Variants in RECQL4 observed in about 807,000 individuals in gnomAD.
RECQL4 encodes the protein RecQ like helicase 4, also known as ATP-dependent DNA helicase Q4.
A neutral mutation model predicts 128.6 loss-of-function variants in RECQL4; 158 were observed. That is an observed-to-expected ratio of 1.23 (90% CI 1.08 to 1.40). The LOEUF (loss-of-function observed/expected upper bound fraction) is 1.40, where lower values mean the gene tolerates loss of function less well. Ranked by LOEUF, RECQL4 falls within the 40% of genes most tolerant of loss-of-function variation. RECQL4 has a pLI of 0.00. For synonymous variants in RECQL4, 996 were observed against 678.9 expected, an observed-to-expected ratio of 1.47 and a Z score of -7.26; for missense variants, 2,293 against 1,649.8, an observed-to-expected ratio of 1.39 and a Z score of -6.75.
chr8:144,512,648 G>C lies in RECQL4; in HGVS notation c.2879C>G (p.Ala960Gly), dbSNP rs373651108. 3 of 1,612,496 alleles carry C rather than the reference G, an allele frequency of 1.9e-6. No individual in the cohort carries two copies. Among genetic ancestry groups the C allele is most frequent in the Non-Finnish European group, 2.5e-6 (3 of 1,179,736 alleles). Residue 960 changes from alanine (A) to glycine (G), a missense_variant, in exon 16 of 21, where the codon GCC becomes GGC. By Grantham distance (60) the Ala-to-Gly change is moderately conservative. Transcript: ENST00000617875. The stretch of plus-strand genomic sequence containing the variant: ...CTGGGCAGGGCGTGCTTACCTGTGG[G>C]CCAGGGCCTGGAGCTGGGCAGGGCC... ...PGGPAQLQAL[A>G]HRCPPLAVCL...
chr8:144,514,565 G>C, intron 9 of RECQL4, 40 bp from the exon 10 acceptor site: 1 of 1,582,102 alleles, frequency 6.3e-7, no homozygotes, highest in East Asian at 2.3e-5. Context: ...CGCCAGCCCA[G>C]CCCTGGCCCT....
Position 144,512,385 on chromosome 8 carries a change from G to C in RECQL4, c.3055+7C>G, listed in dbSNP as rs372511135. 3.0e-5 allele frequency: 48 copies of C among 1,607,256 alleles called. No individual in the cohort carries two copies. Among genetic ancestry groups the C allele is most frequent in the African/African-American group, 4.0e-5 (3 of 74,878 alleles). ...TCCAGGGCGGTGTGGGGTGGGGAGA[G>C]GCGCACCTGTCCTGGGCTCGTGGTC... is the stretch of plus-strand genomic sequence containing the variant. On this transcript the variant is annotated splice_region_variant and intron_variant, in intron 17 of 20. Transcript: ENST00000617875.
Position 144,517,773 on chromosome 8 carries a change from C to T in RECQL4, c.12G>A (p.Leu4=). The T allele has an allele frequency of 7.9e-7, 1 of 1,264,944 alleles. No individual in the cohort carries two copies. Among genetic ancestry groups the T allele is most frequent in the Non-Finnish European group, 1.0e-6 (1 of 1,001,702 alleles). The allele number at this position is 1,264,944 out of a possible 1,614,324, so 78.4% of individuals were successfully genotyped here. The change falls in exon 1 of 21, where the codon CTG becomes CTA. Residue 4 remains leucine (L), a synonymous_variant. Transcript: ENST00000617875. ...CCTGCAGCCGCTCCCGCACGTCCCG[C>T]AGCCGCTCCATGGCGCGCGCGCCCG... is the stretch of plus-strand genomic sequence containing the variant. MER[L]RDVRERLQAW... is the part of the protein sequence containing the mutation.
At position 144,513,121 on chromosome 8, in the gene RECQL4, C is replaced by T; in HGVS notation, c.2481G>A (p.Glu827=). 1 of 1,565,556 alleles carries T rather than the reference C, an allele frequency of 6.4e-7. No individual in the cohort carries two copies. The highest frequency in any genetic ancestry group is 1.4e-5 in the African/African-American group (1 of 73,280). Residue 827 remains glutamate, a synonymous_variant, in exon 15 of 21, where the codon GAG becomes GAA. Transcript: ENST00000617875. ...TGTCGGCGTGCACATGTCTGCGCAGCTCTCGCAGGTCTTCGCCCTGCAGGG... is the reference window on the plus strand; with the variant it reads ...TGTCGGCGTGCACATGTCTGCGCAGTTCTCGCAGGTCTTCGCCCTGCAGGG... ...FLQPQGEDLR[E]LRRHVHADST...
In RECQL4 at chr8:144,512,283, G is replaced by A. The variant is rs1448101275; in HGVS notation, c.3097C>T (p.Leu1033=). Reference sequence around the variant, plus strand: ...CCCGGGCTGCGAAGGTGGAAGGCCAGCTCACTGAACTCCACAAGCACCCCT... The same window carrying A: ...CCCGGGCTGCGAAGGTGGAAGGCCAACTCACTGAACTCCACAAGCACCCCT... ...GTGVLVEFSE[L]AFHLRSPGDL... is the part of the protein sequence containing the mutation. The change falls in exon 18 of 21, where the codon CTG becomes TTG. Residue 1033 remains leucine, a synonymous_variant. Transcript: ENST00000617875. 1 of 1,612,496 alleles carries A rather than the reference G, an allele frequency of 6.2e-7. No individual in the cohort carries two copies. Among genetic ancestry groups the A allele is most frequent in the Non-Finnish European group, 8.5e-7 (1 of 1,179,792 alleles).
Position 144,513,351 on chromosome 8 carries a change from C to T in RECQL4, c.2330G>A (p.Gly777Glu), listed in dbSNP as rs768986171. Residue 777 changes from glycine to glutamate, a missense_variant, in exon 14 of 21, where the codon GGG (glycine) becomes GAG (glutamate). Gly to Glu is a moderately conservative substitution (Grantham distance 98, BLOSUM62 -2). Coordinates refer to ENST00000617875, the MANE Select transcript of RECQL4 (RefSeq NM_004260.4). ...VVVATVAFGM[G>E]LDRPDVRAVL... is the part of the protein sequence containing the mutation. ...AGCCCGCACATCTGGCCGGTCCAGC[C>T]CCATCCCAAAGGCCACCGTGGCCAC... 15 of 1,605,716 alleles carry T rather than the reference C, an allele frequency of 9.3e-6. No individual in the cohort carries two copies. The East Asian group carries it at 2.9e-4, about 31-fold the overall frequency.
At position 144,515,965 on chromosome 8, in the gene RECQL4, G is replaced by A. The variant is rs1477928370; in HGVS notation, c.1131+23C>T. ...CTGAGGGGAGGGAAAGGGAATGCCT[G>A]TCCTGGCCCGTCGCTGTCTTACCTG... On this transcript the variant is annotated intron_variant, in intron 5 of 20. Transcript: ENST00000617875. 4 of 1,610,986 alleles carry A rather than the reference G, an allele frequency of 2.5e-6. No homozygotes were observed. In the African/African-American group the frequency reaches 5.3e-5, roughly 22 times the overall value.
Position 144,512,554 on chromosome 8 carries a change from G to A in RECQL4, c.2893C>T (p.Pro965Ser), listed in dbSNP as rs1383809349. ...TGCTGGGCCAAGCACACAGCCAAAG[G>A]GGGACACCTGTGCCCAGGGAAAAAG... ...QLQALAHRCP[P>S]LAVCLAQQLP... The change falls in exon 17 of 21, where the codon CCT (proline) becomes TCT (serine). Residue 965 changes from proline to serine, a missense_variant. Pro to Ser is a moderately conservative substitution (Grantham distance 74, BLOSUM62 -1). Transcript: ENST00000617875. 6.2e-7 allele frequency: 1 copy of A among 1,612,414 alleles called. No individual in the cohort carries two copies. Among genetic ancestry groups the A allele is most frequent in the African/African-American group, 1.3e-5 (1 of 74,938 alleles).
rs779775064 is a variant in RECQL4, at chr8:144,511,401, C to T, written c.*30G>A. ...CTGCCCTAGCCTCTGACAACCCCAG[C>T]TCTACCCGACATCCCCCAATGCAGT... On this transcript the variant is annotated 3_prime_UTR_variant, in exon 21 of 21. Coordinates refer to ENST00000617875, the MANE Select transcript of RECQL4 (RefSeq NM_004260.4). 5 of 1,605,320 alleles carry T rather than the reference C, an allele frequency of 3.1e-6. No homozygotes were observed. In the South Asian group the frequency reaches 5.5e-5, roughly 18 times the overall value.
Position 144,515,308 on chromosome 8 carries a change from C to T in RECQL4, c.1390+18G>A, listed in dbSNP as rs771645427. ...CAACCCCTCAGTGAAGGCTCTGGGC[C>T]AGAAGCTGACTGCTCACCTGCCAAC... On this transcript the variant is annotated intron_variant, in intron 7 of 20. Coordinates refer to ENST00000617875, the MANE Select transcript of RECQL4 (RefSeq NM_004260.4). 9 of 1,612,070 alleles carry T rather than the reference C, an allele frequency of 5.6e-6. No individual in the cohort carries two copies. The South Asian group carries it at 7.7e-5, about 14-fold the overall frequency.
Position 144,514,450 on chromosome 8 carries a change from G to A in RECQL4, c.1696C>T (p.Leu566=), listed in dbSNP as rs371981215. Reference sequence around the variant, plus strand: ...GCCCATGAGGCCCCCACCTTCTGCAGGACAGATTCCCGTTGCTTCCTGGTC... The same window carrying A: ...GCCCATGAGGCCCCCACCTTCTGCAAGACAGATTCCCGTTGCTTCCTGGTC... ...GMTRKQRESV[L]QKIRAAQVHV... The change falls in exon 10 of 21, where the codon CTG becomes TTG. Residue 566 remains leucine (L), a synonymous_variant. Transcript: ENST00000617875. The A allele has an allele frequency of 9.2e-5, 148 of 1,611,978 alleles. 1 individual carries two copies. The highest frequency in any genetic ancestry group is 1.2e-4 in the Non-Finnish European group (141 of 1,179,476).
Position 144,512,293 on chromosome 8 carries a change from C to T in RECQL4, c.3087G>A (p.Glu1029=). 1.2e-6 allele frequency: 2 copies of T among 1,612,528 alleles called. No individual in the cohort carries two copies. Among genetic ancestry groups the T allele is most frequent in the East Asian group, 2.2e-5 (1 of 44,890 alleles). ...GVRRGTGVLV[E]FSELAFHLRS... is the part of the protein sequence containing the mutation. ...GAAGGTGGAAGGCCAGCTCACTGAA[C>T]TCCACAAGCACCCCTGTCCCACGCC... Residue 1029 remains glutamate (E), a synonymous_variant, in exon 18 of 21, where the codon GAG becomes GAA. Coordinates refer to ENST00000617875, the MANE Select transcript of RECQL4 (RefSeq NM_004260.4).
chr8:144,515,430 C>T lies in RECQL4; in HGVS notation c.1286G>A (p.Gly429Glu), dbSNP rs761033231. ...TGGTGAAGGAACCAGTGGCTCAGGC[C>T]CAACAGCATCTGTGTCTTCCTCACT... ...PASEEDTDAV[G>E]PEPLVPSPQP... Residue 429 changes from glycine (G) to glutamate (E), a missense_variant, in exon 7 of 21, where the codon GGG becomes GAG. Gly to Glu is a moderately conservative substitution (Grantham distance 98). Coordinates refer to ENST00000617875, the MANE Select transcript of RECQL4 (RefSeq NM_004260.4). 7.4e-6 allele frequency: 12 copies of T among 1,612,672 alleles called. No homozygotes were observed. In the African/African-American group the frequency reaches 1.6e-4, roughly 22 times the overall value.
In RECQL4 at chr8:144,511,398, C is replaced by A. The variant is rs377112630; in HGVS notation, c.*33G>T. ...TCACTGCCCTAGCCTCTGACAACCC[C>A]AGCTCTACCCGACATCCCCCAATGC... On this transcript the variant is annotated 3_prime_UTR_variant, in exon 21 of 21. Transcript: ENST00000617875. 178 of 1,604,190 alleles carry A rather than the reference C, an allele frequency of 1.1e-4. No homozygotes were observed. Among genetic ancestry groups the A allele is most frequent in the Non-Finnish European group, 1.4e-4 (169 of 1,172,882 alleles).
chr8:144,513,391 GGCCCT>G lies in RECQL4; in HGVS notation c.2285_2289del (p.Gln762ProfsTer45). On this transcript the variant is annotated frameshift_variant, in exon 14 of 21. Coordinates refer to ENST00000617875, the MANE Select transcript of RECQL4 (RefSeq NM_004260.4). LOFTEE classifies it high-confidence loss of function. ...ACCGTGGCCACCACCACCCGCAACTGGCCCTGCATGAAGGCTCGCTGTACCCGCCG... is the reference window on the plus strand; with the variant it reads ...ACCGTGGCCACCACCACCCGCAACTGGCATGAAGGCTCGCTGTACCCGCCG... 6.2e-7 allele frequency: 1 copy of G among 1,608,346 alleles called. No individual in the cohort carries two copies. The highest frequency in any genetic ancestry group is 8.5e-7 in the Non-Finnish European group (1 of 1,179,710).
In RECQL4 at chr8:144,513,735, G is replaced by GGGAGTGAGGAGGGGTCGGCGTGT. The variant is rs1827698040; in HGVS notation, c.2059-24_2059-23insACACGCCGACCCCTCCTCACTCC. On this transcript the variant is annotated intron_variant, in intron 12 of 20. Transcript: ENST00000617875. ...TGCCTGATGAGGAGCGGTTGGCGTG[G>GGGAGTGAGGAGGGGTCGGCGTGT]GCAGTGGGGAGTGAGGAGGGGTCGG... 6.6e-6 allele frequency: 10 copies of GGGAGTGAGGAGGGGTCGGCGTGT among 1,510,282 alleles called. No homozygotes were observed. In the African/African-American group the frequency reaches 9.0e-5, roughly 14 times the overall value. The allele number at this position is 1,510,282 out of a possible 1,614,324, so 93.6% of individuals were successfully genotyped here.
chr8:144,516,819 G>C (rs138315467), intron 4 of RECQL4, 55 bp from the exon 5 acceptor site: 8 of 1,488,332 alleles, frequency 5.4e-6, no homozygotes, highest in Non-Finnish European at 7.2e-6. Flanking sequence ...AGCTACTGTA[G>C]ACTCTAAAAC....
chr8:144,516,806 C>G (rs1385839612), intron 4 of RECQL4, 42 bp from the exon 5 acceptor site: 8 of 1,503,978 alleles, frequency 5.3e-6, no homozygotes, highest in Admixed American at 4.5e-5. Flanking sequence ...ACTCAGGCCC[C>G]TGAGCTACTG....
In RECQL4 at chr8:144,512,573, GA is replaced by G. The variant is rs2130664609; in HGVS notation, c.2886-13del. 1.2e-6 allele frequency: 2 copies of G among 1,612,304 alleles called. No homozygotes were observed. Among genetic ancestry groups the G allele is most frequent in the Non-Finnish European group, 1.7e-6 (2 of 1,179,586 alleles). Reference sequence around the variant, plus strand: ...CCAAAGGGGGACACCTGTGCCCAGGGAAAAAGGGACATGTGGCCAACAGCCC... The same window carrying G: ...CCAAAGGGGGACACCTGTGCCCAGGGAAAAGGGACATGTGGCCAACAGCCC... On this transcript the variant is annotated splice_polypyrimidine_tract_variant and intron_variant, in intron 16 of 20. Coordinates refer to ENST00000617875, the MANE Select transcript of RECQL4 (RefSeq NM_004260.4).
Sources: allele counts gnomAD v4.1 joint callset, GRCh38; gene constraint gnomAD v4.1.1; transcripts MANE v1.5; gene names NCBI Gene and HGNC (gene_info 2026-07-23, HGNC 2026-07-21).